NEGR1: variants seen among roughly 807,000 people sequenced by gnomAD.
NEGR1 encodes the protein IgLON family member 4.
Under a neutral mutation model 40.9 loss-of-function variants are expected in NEGR1, and 10 were observed. That is an observed-to-expected ratio of 0.24 (90% CI 0.15 to 0.42). The LOEUF (loss-of-function observed/expected upper bound fraction) is 0.42. NEGR1 is among the 10% of genes least tolerant of loss of function. NEGR1 has a pLI of 1.00. For missense variants in NEGR1, 352 were observed against 438.9 expected (o/e 0.80, Z 1.77); for synonymous variants, 185 against 166.8 (o/e 1.11, Z -0.84).
At chr1:71,465,336 C>G (rs1569905718) in intron 6 of NEGR1, among the ~76,000 whole-genome samples, 1 of 152,068 alleles carries the variant, frequency 6.6e-6, no homozygotes, top group Non-Finnish European at 1.5e-5. Flanking sequence ...TGAGTGGCTG[C>G]TAACTTGATT....
chr1:71,553,729 T>G (rs1648160573), intron 6 of NEGR1, among the ~76,000 whole-genome samples: 1 of 151,178 alleles, frequency 6.6e-6, no homozygotes, highest in African/African-American at 2.4e-5. Context: ...AGACTGTGGT[T>G]GTTCACATGA....
chr1:71,754,026 A>G (rs1655652319), intron 3 of NEGR1, among the ~76,000 whole-genome samples: 1 of 151,090 alleles, frequency 6.6e-6, no homozygotes. Context: ...TGATTTCAGG[A>G]TAAAGCAATG....
chr1:72,181,325 T>C (rs1652359826), intron 1 of NEGR1, among the ~76,000 whole-genome samples: 1 of 152,114 alleles, frequency 6.6e-6, no homozygotes, highest in Admixed American at 6.6e-5. Flanking sequence ...GGATGGTCTT[T>C]ATTCTCTTCA....
chr1:72,109,545 CT>C (rs556950161), intron 1 of NEGR1, among the ~76,000 whole-genome samples: 40 of 151,702 alleles, frequency 2.6e-4, no homozygotes, highest in African/African-American at 8.9e-4. Context: ...AATAATTGTT[CT>C]CCTGCAGATC....
chr1:71,615,707 G>A (rs1459847223), intron 4 of NEGR1, among the ~76,000 whole-genome samples: 1 of 152,148 alleles, frequency 6.6e-6, no homozygotes, highest in African/African-American at 2.4e-5. Context: ...TAAAAGCTTT[G>A]AATTTTATTC....
intron 6 of NEGR1, chr1:71,476,850 G>A (rs1646824754): frequency 6.6e-6 from 1 of 152,018 alleles, no homozygotes; most frequent in Admixed American, 6.6e-5. Context: ...ATTTTAATGT[G>A]TACTGTTTAG....
chr1:71,978,760 G>A (rs1028321104), intron 1 of NEGR1, among the ~76,000 whole-genome samples: 13 of 152,024 alleles, frequency 8.6e-5, no homozygotes, highest in African/African-American at 3.1e-4. Flanking sequence ...TGGTGGGAGT[G>A]TATATTAGTT....
chr1:71,776,129 A>T (rs777398927), intron 3 of NEGR1, 43 bp downstream of exon 3: 7 of 1,489,596 alleles, frequency 4.7e-6, no homozygotes, highest in Non-Finnish European at 5.4e-6. Flanking sequence ...GTTACAGGAG[A>T]AAAATGAACA....
intron 1 of NEGR1, among the ~76,000 whole-genome samples, chr1:72,125,666 C>T (rs981804501): frequency 2.6e-5 from 4 of 151,968 alleles, no homozygotes; most frequent in Non-Finnish European, 4.4e-5. Flanking sequence ...TAGCAGCTCA[C>T]GCTTATTGTA....
intron 1 of NEGR1, among the ~76,000 whole-genome samples, chr1:71,990,251 G>A (rs945489445): frequency 3.3e-5 from 5 of 152,194 alleles, no homozygotes; most frequent in African/African-American, 9.6e-5. Flanking sequence ...ACAGCTACCT[G>A]ACTCCCCAGA....
rs75594116 is a variant in NEGR1 at position 72,029,594 on chromosome 1, C to T, written c.177-94283G>A. Among the ~76,000 whole-genome samples the T allele has an allele frequency of 1.0e-3, 159 of 152,234 alleles. 4 individuals carry two copies. In the East Asian group the frequency reaches 0.029, roughly 28 times the overall value. Reference sequence around the variant, plus strand: ...TCTCCTACAGAATGTAAGCATATTTCATTGAAAATCATGGACTTTTAAACA... The same window carrying T: ...TCTCCTACAGAATGTAAGCATATTTTATTGAAAATCATGGACTTTTAAACA... On this transcript the variant is annotated intron_variant, in intron 1 of 6. Transcript: ENST00000357731.
At chr1:72,235,751 G>C (rs963803861) in intron 1 of NEGR1, among the ~76,000 whole-genome samples, 2 of 152,066 alleles carry the variant, frequency 1.3e-5, no homozygotes, top group East Asian at 3.9e-4. Context: ...GTCTTGTGCA[G>C]GAAGTAACAT....
At position 72,019,084 on chromosome 1, in the gene NEGR1, C is replaced by G. The variant is rs1027822261; in HGVS notation, c.177-83773G>C. Among the ~76,000 whole-genome samples, 5 of 151,968 alleles carry G rather than the reference C, an allele frequency of 3.3e-5. No homozygotes were observed. The South Asian group carries it at 8.3e-4, about 25-fold the overall frequency. On this transcript the variant is annotated intron_variant, in intron 1 of 6. Transcript: ENST00000357731. Reference sequence around the variant, plus strand: ...AGAGAATATGTCTTCATGGGCTGGACATGATGTAAGGAACAAGGGGAGAAG... The same window carrying G: ...AGAGAATATGTCTTCATGGGCTGGAGATGATGTAAGGAACAAGGGGAGAAG...
intron 2 of NEGR1, among the ~76,000 whole-genome samples, chr1:71,824,149 T>C (rs540122347): frequency 1.3e-5 from 2 of 151,980 alleles, no homozygotes; most frequent in South Asian, 2.1e-4. Context: ...GAAAAAAAAA[T>C]TGGCTACTCT....
At chr1:71,758,271 T>A (rs1655809950) in intron 3 of NEGR1, among the ~76,000 whole-genome samples, 1 of 152,084 alleles carries the variant, frequency 6.6e-6, no homozygotes, top group Non-Finnish European at 1.5e-5. Flanking sequence ...ATGTAGGTTA[T>A]GAGTATAAAT....
chr1:72,229,944 A>G (rs1362834310), intron 1 of NEGR1, among the ~76,000 whole-genome samples: 1 of 152,140 alleles, frequency 6.6e-6, no homozygotes, highest in Non-Finnish European at 1.5e-5. Context: ...ATCAATCCAC[A>G]TGATCTTTAC....
At chr1:71,726,018 T>C (rs1654662755) in intron 3 of NEGR1, among the ~76,000 whole-genome samples, 1 of 152,206 alleles carries the variant, frequency 6.6e-6, no homozygotes, top group Admixed American at 6.6e-5. Flanking sequence ...TTATCAAAGA[T>C]AACTTCTTAA....
intron 1 of NEGR1, among the ~76,000 whole-genome samples, chr1:72,199,989 C>G (rs917107378): frequency 3.3e-5 from 5 of 151,922 alleles, no homozygotes; most frequent in Non-Finnish European, 7.4e-5. Flanking sequence ...CATCTCACAC[C>G]AGTCAGAATG....
chr1:72,147,731 G>T (rs1349178309), intron 1 of NEGR1, among the ~76,000 whole-genome samples: 1 of 152,092 alleles, frequency 6.6e-6, no homozygotes, highest in East Asian at 1.9e-4. Context: ...AAATACAATG[G>T]GGTTGCAGGT....
Sources: gnomAD v4.1 joint callset for allele counts (sites outside exome capture counted in the v4.1 genomes callset) on GRCh38, gnomAD v4.1.1 for gene constraint, MANE v1.5 for transcripts, NCBI Gene and HGNC (gene_info 2026-07-23, HGNC 2026-07-21) for gene names.